The following ZHX2 variants were observed in gnomAD, a reference collection of about 807,000 sequenced individuals.
ZHX2 encodes the protein zinc fingers and homeoboxes 2, also known as zinc fingers and homeoboxes protein 2.
Under a neutral mutation model 21.9 loss-of-function variants are expected in ZHX2, and 6 were observed. That is an observed-to-expected ratio of 0.27 (90% CI 0.15 to 0.54). The LOEUF is 0.54. Among genes scored for constraint, ZHX2 ranks in the 20% least tolerant of loss-of-function variants. The pLI is 0.95. For synonymous variants in ZHX2, 434 were observed against 437.1 expected, an observed-to-expected ratio of 0.99 and a Z score of 0.09; for missense variants, 908 against 1,090.7, an observed-to-expected ratio of 0.83 and a Z score of 2.36.
At chr8:122,839,769 G>T (rs974447930) in intron 1 of ZHX2, among the ~76,000 whole-genome samples, 4 of 152,148 alleles carry the variant, frequency 2.6e-5, no homozygotes, top group Non-Finnish European at 5.9e-5. Context: ...GATAACAATG[G>T]TTACCTCGTT....
intron 2 of ZHX2, among the ~76,000 whole-genome samples, chr8:122,887,457 G>T (rs951098128): frequency 6.6e-6 from 1 of 152,104 alleles, no homozygotes; most frequent in African/African-American, 2.4e-5. Context: ...GGCAGAGGTT[G>T]CAGTGAGCCG....
At chr8:122,821,546 AAGG>A (rs1818148264) in intron 1 of ZHX2, among the ~76,000 whole-genome samples, 1 of 152,024 alleles carries the variant, frequency 6.6e-6, no homozygotes, top group Non-Finnish European at 1.5e-5. Context: ...AAAAAAAAAA[AAGG>A]AGCACTCATG....
chr8:122,939,831 G>C (rs10956108), intron 2 of ZHX2, among the ~76,000 whole-genome samples: 93,970 of 152,054 alleles, frequency 0.62, 30,130 homozygotes, highest in East Asian at 0.74. Context: ...ACAGTGCCTG[G>C]CCACTGAAAG....
chr8:122,926,574 G>T (rs539098890), intron 2 of ZHX2, among the ~76,000 whole-genome samples: 1 of 152,320 alleles, frequency 6.6e-6, no homozygotes, highest in East Asian at 1.9e-4. Context: ...TCGCTGTCAG[G>T]TGGCGAGTGC....
rs921276804 is a variant in ZHX2, at chr8:122,881,195, T to C, written c.-220+17656T>C. ...TCCCTCATCCTGAGGCATCAGTACC[T>C]ATAAAACCCCTCTAAGCACCTTGAC... On this transcript the variant is annotated intron_variant, in intron 2 of 3. Coordinates refer to ENST00000314393, the MANE Select transcript of ZHX2 (RefSeq NM_014943.5). Among the ~76,000 whole-genome samples, 18 of 152,210 alleles carry C rather than the reference T, an allele frequency of 1.2e-4. 1 individual carries two copies. The highest frequency in any genetic ancestry group is 8.5e-4 in the Admixed American group (13 of 15,284).
At chr8:122,871,029 G>A (rs59744882) in intron 2 of ZHX2, among the ~76,000 whole-genome samples, 2,474 of 152,172 alleles carry the variant, frequency 0.016, 64 homozygotes, top group African/African-American at 0.056. Flanking sequence ...CCGGTGGAGC[G>A]GGCAGGACGG....
chr8:122,848,317 A>C (rs951698721), intron 1 of ZHX2, among the ~76,000 whole-genome samples: 16 of 152,152 alleles, frequency 1.1e-4, no homozygotes, highest in African/African-American at 3.9e-4. Flanking sequence ...GTTGTCACTG[A>C]AGAAGGCGAA....
chr8:122,856,847 C>T (rs1321692614), intron 1 of ZHX2, among the ~76,000 whole-genome samples: 1 of 152,146 alleles, frequency 6.6e-6, no homozygotes, highest in Non-Finnish European at 1.5e-5. Flanking sequence ...TTGAGGGCCA[C>T]CATGTTCCAG....
intron 2 of ZHX2, among the ~76,000 whole-genome samples, chr8:122,934,686 C>T (rs950867896): frequency 6.6e-6 from 1 of 151,652 alleles, no homozygotes; most frequent in African/African-American, 2.4e-5. Context: ...TTCCTTCCCT[C>T]CTTCGTTTCT....
In ZHX2 at chr8:122,782,132, G is replaced by C. The variant is rs1000936843; in HGVS notation, c.-283+186G>C. Among the ~76,000 whole-genome samples the C allele has an allele frequency of 4.7e-5, 7 of 148,788 alleles. No individual in the cohort carries two copies. Among genetic ancestry groups the C allele is most frequent in the East Asian group, 4.1e-4 (2 of 4,844 alleles). ...TTGGAAGGGGGGTACGGAAGGGGGG[G>C]GGTGTGCAGGCTCTTTTTGCGGGTG... On this transcript the variant is annotated intron_variant, in intron 1 of 3. Transcript: ENST00000314393. The surrounding 1 kb of genome is among the most constrained non-coding windows in gnomAD (Gnocchi z 5.3).
chr8:122,843,671 G>A (rs1448562425), intron 1 of ZHX2, among the ~76,000 whole-genome samples: 1 of 152,214 alleles, frequency 6.6e-6, no homozygotes, highest in Admixed American at 6.5e-5. Flanking sequence ...CTCGGTTCTG[G>A]GCTGGCTGAT....
At position 122,951,940 on chromosome 8, in the gene ZHX2, A is replaced by G. The variant is rs1813126731; in HGVS notation, c.430A>G (p.Ile144Val). ...PGEANFKLKL[I>V]KRNNQTVLEQ... is the part of the protein sequence containing the mutation. Reference sequence around the variant, plus strand: ...GGAGGCCAACTTCAAGCTGAAGTTAATTAAACGCAATAATCAAACTGTCTT... The same window carrying G: ...GGAGGCCAACTTCAAGCTGAAGTTAGTTAAACGCAATAATCAAACTGTCTT... The change falls in exon 3 of 4, where the codon ATT becomes GTT. Residue 144 changes from isoleucine to valine, a missense_variant. This residue lies in a region of ZHX2 where 220 missense variants were observed against 251.4 expected (regional missense o/e 0.88). Coordinates refer to ENST00000314393, the MANE Select transcript of ZHX2 (RefSeq NM_014943.5). 6.2e-7 allele frequency: 1 copy of G among 1,613,966 alleles called. No homozygotes were observed. Among genetic ancestry groups the G allele is most frequent in the Non-Finnish European group, 8.5e-7 (1 of 1,180,026 alleles).
At chr8:122,836,565 G>A (rs563771905) in intron 1 of ZHX2, among the ~76,000 whole-genome samples, 2 of 152,278 alleles carry the variant, frequency 1.3e-5, no homozygotes, top group South Asian at 2.1e-4. Context: ...GGGTGCAGGC[G>A]GGCTGAGGCC....
chr8:122,939,374 T>C (rs1812784963), intron 2 of ZHX2, among the ~76,000 whole-genome samples: 1 of 150,618 alleles, frequency 6.6e-6, no homozygotes, highest in African/African-American at 2.4e-5. Context: ...GATGTGTAGA[T>C]GGTGGTGGAA....
intron 2 of ZHX2, among the ~76,000 whole-genome samples, chr8:122,902,944 C>T (rs1382795523): frequency 6.6e-6 from 1 of 152,140 alleles, no homozygotes; most frequent in Non-Finnish European, 1.5e-5. Context: ...CCAAGGCCTC[C>T]TGGGTGAGCA....
chr8:122,920,863 G>C (rs563932575), intron 2 of ZHX2, among the ~76,000 whole-genome samples: 1 of 152,244 alleles, frequency 6.6e-6, no homozygotes, highest in East Asian at 1.9e-4. Context: ...GGCCGAAGGG[G>C]CTGAGCTCCA....
intron 2 of ZHX2, among the ~76,000 whole-genome samples, chr8:122,936,430 A>G (rs1217940366): frequency 6.6e-6 from 1 of 152,152 alleles, no homozygotes; most frequent in Non-Finnish European, 1.5e-5. Context: ...ATTCTTAAGG[A>G]AGAGGGAATG....
At chr8:122,860,450 T>G (rs755088320) in intron 1 of ZHX2, among the ~76,000 whole-genome samples, 9 of 152,218 alleles carry the variant, frequency 5.9e-5, no homozygotes, top group Non-Finnish European at 1.0e-4. Flanking sequence ...TCACAGAGAT[T>G]TGGGAGACAA....
intron 2 of ZHX2, among the ~76,000 whole-genome samples, chr8:122,934,658 C>T (rs1202336288): frequency 6.7e-6 from 1 of 149,302 alleles, no homozygotes; most frequent in Admixed American, 6.6e-5. Flanking sequence ...TTCTTTATTA[C>T]CTTCCTTCCT....
Sources: gnomAD v4.1 joint callset for allele counts (sites outside exome capture counted in the v4.1 genomes callset) on GRCh38, gnomAD v4.1.1 for gene constraint, gnomAD v4.1.1 regional missense constraint, Gnocchi (gnomAD v3.1) non-coding constraint, MANE v1.5 for transcripts, NCBI Gene and HGNC (gene_info 2026-07-23, HGNC 2026-07-21) for gene names.